The following SGMS1 variants were observed in gnomAD, a reference collection of about 807,000 sequenced individuals.
The protein encoded by SGMS1 is phosphatidylcholine:ceramide cholinephosphotransferase 1.
SGMS1 carries 13 observed loss-of-function variants against 46.2 expected under a neutral mutation model. The ratio of observed to expected loss-of-function variants is 0.28; its 90% confidence interval spans 0.18 to 0.45. SGMS1 has a LOEUF of 0.45. Ranked by LOEUF, SGMS1 falls within the 20% of genes least tolerant of loss-of-function variation. The pLI is 1.00. For synonymous variants in SGMS1, 203 were observed against 187.8 expected (o/e 1.08, Z -0.66); for missense variants, 324 against 519.9 (o/e 0.62, Z 3.66).
At chr10:50,360,085 G>T (rs529994973) in intron 6 of SGMS1, among the ~76,000 whole-genome samples, 4 of 152,002 alleles carry the variant, frequency 2.6e-5, no homozygotes, top group Admixed American at 2.6e-4. Flanking sequence ...TTAAAAATAC[G>T]TGTTTCCTTC....
intron 6 of SGMS1, among the ~76,000 whole-genome samples, chr10:50,415,081 A>C (rs1016759526): frequency 1.3e-5 from 2 of 152,210 alleles, no homozygotes; most frequent in African/African-American, 4.8e-5. Context: ...AGATCGCGCC[A>C]CTGCACTCCA....
intron 5 of SGMS1, among the ~76,000 whole-genome samples, chr10:50,443,148 A>G (rs1165581101): frequency 6.6e-6 from 1 of 152,232 alleles, no homozygotes; most frequent in Non-Finnish European, 1.5e-5. Context: ...AGAACAAATA[A>G]TAGCTAGACT....
chr10:50,489,091 A>G (rs1039925920), intron 3 of SGMS1, among the ~76,000 whole-genome samples: 2 of 152,246 alleles, frequency 1.3e-5, no homozygotes, highest in Non-Finnish European at 2.9e-5. Context: ...TGTCAGACAA[A>G]GAGAGAGGAT....
intron 6 of SGMS1, among the ~76,000 whole-genome samples, chr10:50,388,471 TA>T (rs56992240): frequency 0.025 from 2,169 of 85,112 alleles, 45 homozygotes; most frequent in African/African-American, 0.075. Context: ...CTGTCTCTAC[TA>T]AAAAAAAAAA....
At chr10:50,609,586 G>A (rs1838729473) in intron 1 of SGMS1, among the ~76,000 whole-genome samples, 1 of 134,496 alleles carries the variant, frequency 7.4e-6, no homozygotes, top group South Asian at 2.5e-4. Context: ...AATGCTTTCA[G>A]AACAACTTTC....
rs889777537 is a variant in SGMS1 at position 50,323,895 on chromosome 10, T to C, written c.741+3310A>G. On this transcript the variant is annotated intron_variant, in intron 8 of 10. Coordinates refer to ENST00000361781, the MANE Select transcript of SGMS1 (RefSeq NM_147156.4). The stretch of plus-strand genomic sequence containing the variant: ...TTATCACAGCATTTTACACATTTAT[T>C]ACATAAGTTACAAATTTAAACTAAC... Among the ~76,000 whole-genome samples, 3 of 152,244 alleles carry C rather than the reference T, an allele frequency of 2.0e-5. No individual in the cohort carries two copies. The East Asian group carries it at 5.8e-4, about 29-fold the overall frequency.
intron 3 of SGMS1, among the ~76,000 whole-genome samples, chr10:50,502,997 T>C (rs1198194924): frequency 6.6e-6 from 1 of 152,162 alleles, no homozygotes; most frequent in Non-Finnish European, 1.5e-5. Context: ...ATACAAAAAA[T>C]GGCTGCCAGA....
intron 6 of SGMS1, among the ~76,000 whole-genome samples, chr10:50,368,379 C>T (rs942699306): frequency 1.3e-5 from 2 of 151,932 alleles, no homozygotes; most frequent in African/African-American, 2.4e-5. Context: ...CTTTTTGAGC[C>T]GGAGTCTCGA....
upstream of SGMS1, chr10:50,624,528 G>T: frequency 1.1e-6 from 1 of 937,076 alleles, no homozygotes; most frequent in Non-Finnish European, 1.3e-6. Context: ...CTGGGAGCGC[G>T]ACGGAGGCGC....
chr10:50,503,016 C>A (rs564498236), intron 3 of SGMS1, among the ~76,000 whole-genome samples: 1 of 152,282 alleles, frequency 6.6e-6, no homozygotes, highest in African/African-American at 2.4e-5. Flanking sequence ...GAGAAAATTC[C>A]TTAAATCTCC....
At chr10:50,446,671 T>C (rs1373387054) in intron 5 of SGMS1, among the ~76,000 whole-genome samples, 1 of 152,172 alleles carries the variant, frequency 6.6e-6, no homozygotes, top group Non-Finnish European at 1.5e-5. Flanking sequence ...TCAGTATAAC[T>C]ACATATCTGA....
intron 8 of SGMS1, among the ~76,000 whole-genome samples, chr10:50,314,084 A>G (rs1437418021): frequency 6.6e-6 from 1 of 152,178 alleles, no homozygotes; most frequent in African/African-American, 2.4e-5. Flanking sequence ...TAGCACAGAG[A>G]AATCAAGTAA....
At chr10:50,347,680 A>G (rs1847936777) in intron 6 of SGMS1, among the ~76,000 whole-genome samples, 1 of 152,140 alleles carries the variant, frequency 6.6e-6, no homozygotes, top group South Asian at 2.1e-4. Flanking sequence ...GGAGATGAAC[A>G]CAGGCTTTTC....
At chr10:50,454,591 T>G (rs991019850) in intron 5 of SGMS1, among the ~76,000 whole-genome samples, 2 of 152,188 alleles carry the variant, frequency 1.3e-5, no homozygotes, top group African/African-American at 4.8e-5. Context: ...TCTCTTCAAC[T>G]TTTATGAGCA....
chr10:50,614,990 G>A (rs1418791441), intron 1 of SGMS1, among the ~76,000 whole-genome samples: 2 of 152,188 alleles, frequency 1.3e-5, no homozygotes, highest in South Asian at 2.1e-4. Context: ...CTGTGATTCC[G>A]ACATCTCTGC....
chr10:50,612,774 TC>T (rs1838762495), intron 1 of SGMS1, among the ~76,000 whole-genome samples: 1 of 152,156 alleles, frequency 6.6e-6, no homozygotes. Context: ...AGTGGCGTGA[TC>T]GCGGCTCACT....
intron 6 of SGMS1, among the ~76,000 whole-genome samples, chr10:50,408,627 G>A (rs1449191830): frequency 2.0e-5 from 3 of 151,834 alleles, no homozygotes; most frequent in Admixed American, 1.3e-4. Flanking sequence ...AGGTTGCAGT[G>A]AGCTGAGATC....
chr10:50,318,483 G>A (rs1022320273), intron 8 of SGMS1, among the ~76,000 whole-genome samples: 1 of 152,178 alleles, frequency 6.6e-6, no homozygotes, highest in African/African-American at 2.4e-5. Flanking sequence ...TCCAAGTTAG[G>A]TCCATCTTTT....
intron 1 of SGMS1, among the ~76,000 whole-genome samples, chr10:50,603,671 G>C (rs748663800): frequency 6.6e-6 from 1 of 152,216 alleles, no homozygotes; most frequent in African/African-American, 2.4e-5. Context: ...AGTCATCAAA[G>C]AAACACTGCA....
Sources: allele counts gnomAD v4.1 joint callset (sites outside exome capture counted in the v4.1 genomes callset), GRCh38; gene constraint gnomAD v4.1.1; transcripts MANE v1.5; gene names NCBI Gene and HGNC (gene_info 2026-07-23, HGNC 2026-07-21).